Variants in MCC observed in about 807,000 individuals in gnomAD.
MCC encodes colorectal mutant cancer protein.
A neutral mutation model predicts 116.2 loss-of-function variants in MCC; 90 were observed. The observed-to-expected ratio is 0.77, with a 90% CI of 0.65 to 0.92. The LOEUF (loss-of-function observed/expected upper bound fraction) is 0.92. MCC is among the 40% of genes least tolerant of loss of function. The pLI is 0.00. For synonymous variants in MCC, 578 were observed against 510.5 expected (o/e 1.13, Z -1.78); for missense variants, 1,516 against 1,312.2 (o/e 1.16, Z -2.40).
chr5:113,109,901 A>G (rs186863255), intron 6 of MCC, among the ~76,000 whole-genome samples: 2 of 152,318 alleles, frequency 1.3e-5, no homozygotes, highest in African/African-American at 4.8e-5. Flanking sequence ...CCCCACTGCC[A>G]TGCAACTCCA....
intron 11 of MCC, among the ~76,000 whole-genome samples, chr5:113,072,728 C>T (rs1366035581): frequency 2.6e-5 from 4 of 152,246 alleles, no homozygotes; most frequent in African/African-American, 7.2e-5. Flanking sequence ...GCTATCAACA[C>T]TCCCACCCTA....
At chr5:113,043,751 C>T (rs369827889) in intron 16 of MCC, 121 bp from the exon 17 acceptor site, 30 of 650,574 alleles carry the variant, frequency 4.6e-5, no homozygotes, top group African/African-American at 1.3e-4. Context: ...CACCGGGTGG[C>T]GCCCTCAGGT....
intron 3 of MCC, among the ~76,000 whole-genome samples, chr5:113,293,478 T>G (rs906412536): frequency 2.0e-5 from 3 of 152,170 alleles, no homozygotes; most frequent in Non-Finnish European, 4.4e-5. Context: ...CTGTAGACAC[T>G]AAGCACACAG....
chr5:113,116,388 GT>G (rs1368412037), intron 6 of MCC, among the ~76,000 whole-genome samples: 2 of 152,196 alleles, frequency 1.3e-5, no homozygotes, highest in Non-Finnish European at 2.9e-5. Context: ...TCCAAGGCTG[GT>G]TTCAGGAGCT....
intron 3 of MCC, among the ~76,000 whole-genome samples, chr5:113,235,998 T>C (rs956672876): frequency 2.0e-5 from 3 of 152,212 alleles, no homozygotes; most frequent in Non-Finnish European, 4.4e-5. Context: ...CCCGCTACCA[T>C]TTCCTTGGTC....
chr5:113,136,439 A>G (rs1272604267), intron 5 of MCC, among the ~76,000 whole-genome samples: 1 of 152,236 alleles, frequency 6.6e-6, no homozygotes, highest in African/African-American at 2.4e-5. Flanking sequence ...TCCTATAGGT[A>G]GAATTACTTG....
intron 11 of MCC, among the ~76,000 whole-genome samples, chr5:113,074,072 G>C (rs1253758675): frequency 6.6e-6 from 1 of 152,210 alleles, no homozygotes; most frequent in East Asian, 1.9e-4. Flanking sequence ...AGAATGGATA[G>C]ACTGCCTCCT....
In MCC at chr5:113,355,679, C is replaced by G. The variant is rs145965672; in HGVS notation, c.416-14949G>C. Among the ~76,000 whole-genome samples, 16 of 152,220 alleles carry G rather than the reference C, an allele frequency of 1.1e-4. 1 individual carries two copies. The East Asian group carries it at 3.1e-3, about 29-fold the overall frequency. ...GCAGCTACCTCTTGCTGTGTCCTCA[C>G]ATGGTAAGAAGAGAGGGCAAGGTCA... On this transcript the variant is annotated intron_variant, in intron 2 of 18. Transcript: ENST00000408903.
At chr5:113,226,538 TA>T (rs1220927487) in intron 3 of MCC, among the ~76,000 whole-genome samples, 1 of 152,262 alleles carries the variant, frequency 6.6e-6, no homozygotes, top group Non-Finnish European at 1.5e-5. Context: ...TGTGTGTGTT[TA>T]AATGCCACAA....
At chr5:113,030,816 T>C (rs566537449) in intron 17 of MCC, among the ~76,000 whole-genome samples, 22 of 152,328 alleles carry the variant, frequency 1.4e-4, no homozygotes, top group African/African-American at 5.3e-4. Flanking sequence ...GTAATAAGAC[T>C]AGAAGGTGAA....
rs557425745 is a variant in MCC, at chr5:113,243,962, G to A, written c.628-92540C>T. Among the ~76,000 whole-genome samples, 3 of 152,338 alleles carry A rather than the reference G, an allele frequency of 2.0e-5. No individual in the cohort carries two copies. The East Asian group carries it at 5.8e-4, about 29-fold the overall frequency. On this transcript the variant is annotated intron_variant, in intron 3 of 18. Coordinates refer to ENST00000408903, the MANE Select transcript of MCC (RefSeq NM_001085377.2). The stretch of plus-strand genomic sequence containing the variant: ...GCCAGATTCAAATTTTGTTCATGGA[G>A]CCATGCAATGGATTGGAACATCAAT...
At chr5:113,139,263 A>G (rs1205806059) in intron 5 of MCC, among the ~76,000 whole-genome samples, 1 of 152,188 alleles carries the variant, frequency 6.6e-6, no homozygotes, top group Non-Finnish European at 1.5e-5. Flanking sequence ...TTATACTAGC[A>G]AAGTTCTGGC....
At chr5:113,216,582 C>A (rs1368940509) in intron 3 of MCC, among the ~76,000 whole-genome samples, 1 of 152,172 alleles carries the variant, frequency 6.6e-6, no homozygotes, top group Non-Finnish European at 1.5e-5. Flanking sequence ...AAAATGTTAA[C>A]TAGGTAGATG....
intron 3 of MCC, among the ~76,000 whole-genome samples, chr5:113,157,845 CAG>C (rs781497945): frequency 6.6e-6 from 1 of 152,166 alleles, no homozygotes; most frequent in Non-Finnish European, 1.5e-5. Flanking sequence ...AATTCATAGT[CAG>C]AGATTCAAAA....
chr5:113,064,967 G>A (rs969014222), intron 13 of MCC, among the ~76,000 whole-genome samples: 3 of 152,178 alleles, frequency 2.0e-5, no homozygotes, highest in African/African-American at 7.2e-5. Context: ...TACAGCCTGG[G>A]TAACAGAGCA....
intron 1 of MCC, among the ~76,000 whole-genome samples, chr5:113,418,404 A>G (rs1358599305): frequency 6.6e-6 from 1 of 152,166 alleles, no homozygotes; most frequent in African/African-American, 2.4e-5. Context: ...TATATTTAAG[A>G]TTAAATATAA....
At chr5:113,181,727 C>T (rs1761637791) in intron 3 of MCC, among the ~76,000 whole-genome samples, 1 of 152,162 alleles carries the variant, frequency 6.6e-6, no homozygotes, top group Admixed American at 6.5e-5. Context: ...AAATGAAGAT[C>T]ATCTGCCTGG....
intron 3 of MCC, among the ~76,000 whole-genome samples, chr5:113,219,084 A>T (rs1257040408): frequency 6.6e-6 from 1 of 152,216 alleles, no homozygotes; most frequent in Non-Finnish European, 1.5e-5. Flanking sequence ...GGCTCTCGAG[A>T]GTGTTTCCAG....
At chr5:113,291,376 T>C (rs1336474298) in intron 3 of MCC, among the ~76,000 whole-genome samples, 2 of 152,174 alleles carry the variant, frequency 1.3e-5, no homozygotes, top group Admixed American at 1.3e-4. Context: ...CAGAAATTGA[T>C]TAAACTCACT....
Sources: gnomAD v4.1 joint callset for allele counts (sites outside exome capture counted in the v4.1 genomes callset) on GRCh38, gnomAD v4.1.1 for gene constraint, MANE v1.5 for transcripts, NCBI Gene and HGNC (gene_info 2026-07-23, HGNC 2026-07-21) for gene names.